TENM2: variants seen among roughly 807,000 people sequenced by gnomAD.
TENM2 encodes teneurin-2.
In TENM2, 52 loss-of-function variants were observed where a neutral mutation model predicts 245.2. The ratio of observed to expected loss-of-function variants is 0.21; its 90% CI spans 0.17 to 0.27. TENM2 has a LOEUF of 0.27. Among genes scored for constraint, TENM2 ranks in the 10% least tolerant of loss-of-function variants. The probability of loss-of-function intolerance (pLI) is 1.00; values close to 1 mark genes in which losing one functional copy is unlikely to be tolerated. For synonymous variants in TENM2, 1,363 were observed against 1,438.9 expected (o/e 0.95, Z 1.19); for missense variants, 3,046 against 3,666.8 (o/e 0.83, Z 4.37).
intron 1 of TENM2, among the ~76,000 whole-genome samples, chr5:167,348,025 T>C (rs981092584): frequency 6.6e-6 from 1 of 152,186 alleles, no homozygotes; most frequent in Non-Finnish European, 1.5e-5. Flanking sequence ...TCCAAAATTC[T>C]GCCAGCAGGC....
chr5:167,307,387 G>A (rs890004549), intron 1 of TENM2, among the ~76,000 whole-genome samples: 1 of 152,124 alleles, frequency 6.6e-6, no homozygotes, highest in Non-Finnish European at 1.5e-5. Flanking sequence ...ACCTTAGCAG[G>A]AGAAAAATAA....
chr5:168,045,196 G>A (rs920205865), intron 5 of TENM2, among the ~76,000 whole-genome samples: 4 of 152,120 alleles, frequency 2.6e-5, no homozygotes, highest in African/African-American at 9.7e-5. Flanking sequence ...TGTCTGAGAA[G>A]TTACTGGTGT....
intron 7 of TENM2, among the ~76,000 whole-genome samples, chr5:168,081,997 G>T (rs1273724225): frequency 6.6e-6 from 1 of 152,188 alleles, no homozygotes; most frequent in East Asian, 1.9e-4. Flanking sequence ...GGTTGGGAAA[G>T]TTCTCCTGGA....
intron 2 of TENM2, among the ~76,000 whole-genome samples, chr5:167,547,962 G>A (rs150041145): frequency 2.8e-4 from 43 of 152,266 alleles, no homozygotes; most frequent in East Asian, 5.8e-4. Context: ...GCACTTTCTC[G>A]TAGCAAATCA....
chr5:168,145,022 G>T (rs1357200322), intron 12 of TENM2, among the ~76,000 whole-genome samples: 1 of 151,796 alleles, frequency 6.6e-6, no homozygotes, highest in Non-Finnish European at 1.5e-5. Context: ...CTTTTTGATG[G>T]GGTTGTTTGT....
At chr5:167,751,497 G>A (rs1761956030) in intron 2 of TENM2, among the ~76,000 whole-genome samples, 1 of 152,120 alleles carries the variant, frequency 6.6e-6, no homozygotes, top group Non-Finnish European at 1.5e-5. Context: ...TTACAGTGTT[G>A]CATGTGATAG....
chr5:167,706,363 G>A (rs968621449), intron 2 of TENM2, among the ~76,000 whole-genome samples: 1 of 147,448 alleles, frequency 6.8e-6, no homozygotes, highest in Non-Finnish European at 1.5e-5. Flanking sequence ...AAGAAAATGT[G>A]ATACAGTATA....
intron 2 of TENM2, among the ~76,000 whole-genome samples, chr5:167,538,154 GTGAA>G (rs1274524367): frequency 6.6e-6 from 1 of 152,164 alleles, no homozygotes; most frequent in East Asian, 1.9e-4. Context: ...TTGCTTCCAG[GTGAA>G]TATCCATGAA....
At chr5:167,778,562 G>A (rs1170088081) in intron 2 of TENM2, among the ~76,000 whole-genome samples, 1 of 152,132 alleles carries the variant, frequency 6.6e-6, no homozygotes, top group Non-Finnish European at 1.5e-5. Context: ...AGTGGGAGGG[G>A]ATAGAAAATT....
intron 2 of TENM2, among the ~76,000 whole-genome samples, chr5:167,804,372 A>G (rs1184211205): frequency 1.3e-5 from 2 of 152,090 alleles, no homozygotes; most frequent in Non-Finnish European, 2.9e-5. Flanking sequence ...TTGACATTCT[A>G]TGCTGAGATC....
chr5:167,059,053 A>T, the TENM2 span, among the ~76,000 whole-genome samples: 1 of 152,226 alleles, frequency 6.6e-6, no homozygotes, highest in Non-Finnish European at 1.5e-5. Context: ...TGAAAATATT[A>T]CTGAGACACT....
chr5:167,923,126 T>C (rs1777496310), intron 3 of TENM2, among the ~76,000 whole-genome samples: 2 of 152,072 alleles, frequency 1.3e-5, no homozygotes, highest in African/African-American at 4.8e-5. Flanking sequence ...GAGTTTGAGA[T>C]CAGCCTGGCC....
intron 12 of TENM2, among the ~76,000 whole-genome samples, chr5:168,157,988 T>A (rs1757338470): frequency 6.6e-6 from 1 of 152,168 alleles, no homozygotes. Context: ...AGTAGCACGA[T>A]CTTGACTCAC....
chr5:167,278,058 C>A, the TENM2 span, among the ~76,000 whole-genome samples: 1 of 152,028 alleles, frequency 6.6e-6, no homozygotes, highest in Admixed American at 6.6e-5. Flanking sequence ...AATCCCAGCA[C>A]TTTGGGAGGC....
chr5:167,493,454 T>C (rs1768579017), intron 2 of TENM2, among the ~76,000 whole-genome samples: 1 of 152,174 alleles, frequency 6.6e-6, no homozygotes, highest in Non-Finnish European at 1.5e-5. Context: ...GAAGGCTTCA[T>C]TGATTCATAT....
chr5:167,174,746 T>C, the TENM2 span, among the ~76,000 whole-genome samples: 1 of 152,176 alleles, frequency 6.6e-6, no homozygotes, highest in African/African-American at 2.4e-5. Flanking sequence ...CAACACGCTG[T>C]ACATTAGGTC....
At chr5:167,783,727 C>T (rs1349517539) in intron 2 of TENM2, among the ~76,000 whole-genome samples, 2 of 152,116 alleles carry the variant, frequency 1.3e-5, no homozygotes, top group African/African-American at 4.8e-5. Flanking sequence ...AAACCATCAG[C>T]CAGTATCTGA....
rs1232056913 is a variant in TENM2 at position 167,337,940 on chromosome 5, CA to C, written c.227-37256del. ...AAAAATACTTTGCAATAGTGTTAAA[CA>C]AGGTTAGGTAAAATCAAAAGTTGTT... On this transcript the variant is annotated intron_variant, in intron 1 of 28. Transcript: ENST00000518659. 7.2e-5 allele frequency among the ~76,000 whole-genome samples: 11 copies of C among 152,134 alleles called. No homozygotes were observed. In the South Asian group the frequency reaches 1.7e-3, roughly 23 times the overall value.
intron 2 of TENM2, among the ~76,000 whole-genome samples, chr5:167,476,506 T>A (rs1298180607): frequency 6.6e-6 from 1 of 152,236 alleles, no homozygotes; most frequent in African/African-American, 2.4e-5. Context: ...GTGCTCATGA[T>A]GGCAAACTGA....
Sources: gnomAD v4.1 joint callset for allele counts (sites outside exome capture counted in the v4.1 genomes callset) on GRCh38, gnomAD v4.1.1 for gene constraint, MANE v1.5 for transcripts, NCBI Gene and HGNC (gene_info 2026-07-23, HGNC 2026-07-21) for gene names.